The following VPS13A variants were observed in gnomAD, a reference collection of about 807,000 sequenced individuals.
VPS13A encodes intermembrane lipid transfer protein VPS13A.
A neutral mutation model predicts 390.9 loss-of-function variants in VPS13A; 264 were observed. That is an observed-to-expected ratio of 0.68 (90% confidence interval 0.61 to 0.75). VPS13A has a LOEUF of 0.75. VPS13A is among the 30% of genes least tolerant of loss of function. The pLI is 0.00. For missense variants in VPS13A, 3,409 were observed against 3,733.9 expected, an observed-to-expected ratio of 0.91 and a Z score of 2.27; for synonymous variants, 1,231 against 1,227.1, an observed-to-expected ratio of 1.00 and a Z score of -0.07.
At chr9:77,403,977 G>C (rs576085826) in intron 69 of VPS13A, among the ~76,000 whole-genome samples, 25 of 152,232 alleles carry the variant, frequency 1.6e-4, no homozygotes, top group African/African-American at 6.0e-4. Flanking sequence ...ACTTATGAAA[G>C]GTAAAGTTAT....
intron 7 of VPS13A, among the ~76,000 whole-genome samples, chr9:77,212,357 C>T (rs561732659): frequency 3.9e-5 from 6 of 152,214 alleles, no homozygotes; most frequent in Admixed American, 6.5e-5. Flanking sequence ...CTTTTGGGCT[C>T]TGCCTGTTGT....
chr9:77,250,349 T>G, intron 21 of VPS13A, 120 bp downstream of exon 21: 1 of 1,235,072 alleles, frequency 8.1e-7, no homozygotes, highest in Non-Finnish European at 1.2e-6. Flanking sequence ...GAATTAGAAA[T>G]GATAGTAAAT....
chr9:77,370,385 A>AT, intron 64 of VPS13A, 30 bp from the exon 65 acceptor site: 1 of 1,614,140 alleles, frequency 6.2e-7, no homozygotes. Flanking sequence ...TAATGGCATC[A>AT]TTACTTTTAC....
chr9:77,275,811 C>CT lies in VPS13A; in HGVS notation c.2667+169dup, dbSNP rs368058162. Among the ~76,000 whole-genome samples, 3,643 of 146,916 alleles carry CT rather than the reference C, an allele frequency of 0.025. 100 individuals carry two copies. The highest frequency in any genetic ancestry group is 0.072 in the African/African-American group (2,893 of 40,008). On this transcript the variant is annotated intron_variant, in intron 25 of 71. Transcript: ENST00000360280. The stretch of plus-strand genomic sequence containing the variant: ...ATTCTTGGTCACTCCCCGCCCCCCC[C>CT]TTTTTTTTTTAAATAAGATTAACTT...
rs189138644 is a variant in VPS13A at position 77,295,740 on chromosome 9, C to T, written c.3706C>T (p.Leu1236=). The part of the protein sequence containing the change: ...SENVFVADFG[L]ITMTNTFHMI... The stretch of plus-strand genomic sequence containing the variant: ...AAATGTTTTTGTTGCTGATTTTGGA[C>T]TAATTACAATGACAAATACCTTTCA... The change falls in exon 33 of 72, where the codon CTA becomes TTA. Residue 1236 remains leucine (L), a synonymous_variant. Transcript: ENST00000360280. 6.7e-5 allele frequency: 108 copies of T among 1,613,992 alleles called. 3 individuals carry two copies. Among genetic ancestry groups the T allele is most frequent in the East Asian group, 4.5e-4 (20 of 44,856 alleles).
rs1471850455 is a variant in VPS13A at position 77,360,532 on chromosome 9, A to G, written c.8106-4A>G. On this transcript the variant is annotated splice_polypyrimidine_tract_variant and splice_region_variant and intron_variant, in intron 58 of 71. Transcript: ENST00000360280. The stretch of plus-strand genomic sequence containing the variant: ...TAAAAAATGTTTTCTACTTTGTAAT[A>G]CAGGTATTTCAAAGTATTGATTCAA... 3.1e-6 allele frequency: 5 copies of G among 1,598,710 alleles called. No homozygotes were observed. In the African/African-American group the frequency reaches 5.4e-5, roughly 17 times the overall value.
intron 57 of VPS13A, among the ~76,000 whole-genome samples, chr9:77,358,802 G>A (rs1024246746): frequency 6.6e-6 from 1 of 152,118 alleles, no homozygotes; most frequent in African/African-American, 2.4e-5. Flanking sequence ...CTCCAAATAA[G>A]AATAACGGAC....
chr9:77,289,722 G>A (rs1297288238), intron 31 of VPS13A, among the ~76,000 whole-genome samples: 2 of 150,792 alleles, frequency 1.3e-5, no homozygotes, highest in East Asian at 3.9e-4. Flanking sequence ...AACTCTTTCT[G>A]TAACTACTTC....
At chr9:77,411,491 G>A (rs529965506) in intron 71 of VPS13A, among the ~76,000 whole-genome samples, 9 of 151,670 alleles carry the variant, frequency 5.9e-5, no homozygotes, top group Admixed American at 1.3e-4. Context: ...GTGAAACCCC[G>A]TCTCTACTAA....
At chr9:77,202,140 C>T (rs1265756935) in intron 3 of VPS13A, among the ~76,000 whole-genome samples, 5 of 152,028 alleles carry the variant, frequency 3.3e-5, no homozygotes, top group Admixed American at 6.6e-5. Flanking sequence ...TGAAAGGTTA[C>T]CTAGATTACA....
chr9:77,348,729 C>T (rs1032615354), intron 52 of VPS13A, among the ~76,000 whole-genome samples: 7 of 152,066 alleles, frequency 4.6e-5, no homozygotes, highest in African/African-American at 1.2e-4. Flanking sequence ...TTGCAGCATT[C>T]GTCACATTGT....
Position 77,341,091 on chromosome 9 carries a change from T to G in VPS13A, c.7026+541T>G, listed in dbSNP as rs572645756. On this transcript the variant is annotated intron_variant, in intron 50 of 71. Coordinates refer to ENST00000360280, the MANE Select transcript of VPS13A (RefSeq NM_033305.3). ...TTAGAGAAGTTTTTGCTGTTTCTAT[T>G]CATTATTCCTTTTTGCATACAAAAC... is the stretch of plus-strand genomic sequence containing the variant. Among the ~76,000 whole-genome samples the G allele has an allele frequency of 1.3e-3, 204 of 152,330 alleles. 3 individuals are homozygous for G. The highest frequency in any genetic ancestry group is 2.1e-3 in the South Asian group (10 of 4,826).
chr9:77,326,234 G>A lies in VPS13A; in HGVS notation c.5991+3007G>A, dbSNP rs149970217. Among the ~76,000 whole-genome samples, 10 of 151,996 alleles carry A rather than the reference G, an allele frequency of 6.6e-5. No homozygotes were observed. The East Asian group carries it at 1.9e-3, about 29-fold the overall frequency. ...CAATTTGGTTATGATGAATCTTACT[G>A]TAGTTTTTTTTATGTTCCTTGTATT... On this transcript the variant is annotated intron_variant, in intron 45 of 71. Transcript: ENST00000360280.
At chr9:77,355,325 TC>T (rs1230079291) in intron 54 of VPS13A, among the ~76,000 whole-genome samples, 1 of 152,172 alleles carries the variant, frequency 6.6e-6, no homozygotes, top group Non-Finnish European at 1.5e-5. Context: ...TTAACACAGA[TC>T]CCTCCTTGAT....
At chr9:77,345,946 C>T (rs1034992084) in intron 52 of VPS13A, among the ~76,000 whole-genome samples, 2 of 151,904 alleles carry the variant, frequency 1.3e-5, no homozygotes, top group African/African-American at 4.8e-5. Flanking sequence ...TTTTAATTAT[C>T]CATATTATAA....
At position 77,305,606 on chromosome 9, in the gene VPS13A, G is replaced by A. The variant is rs578097026; in HGVS notation, c.3961-2339G>A. 263 of 202,162 alleles carry A rather than the reference G, an allele frequency of 1.3e-3. 2 individuals carry two copies. The highest frequency in any genetic ancestry group is 8.5e-4 in the Non-Finnish European group (83 of 97,736). The allele number at this position is 202,162 out of a possible 1,614,324, so 12.5% of individuals were successfully genotyped here. A position where few individuals can be genotyped will look rare whatever the true frequency, so the allele number is the denominator to read the frequency against. ...GTGATGCTGCCAACAATCTGCAAGT[G>A]CCCAGCTGCCTTTTGAGGCCAACCC... On this transcript the variant is annotated intron_variant, in intron 34 of 71. Coordinates refer to ENST00000360280, the MANE Select transcript of VPS13A (RefSeq NM_033305.3).
chr9:77,360,936 T>C (rs2131564542), intron 59 of VPS13A, among the ~76,000 whole-genome samples: 1 of 152,226 alleles, frequency 6.6e-6, no homozygotes, highest in East Asian at 1.9e-4. Flanking sequence ...TTCACTTTAA[T>C]AATTTAGAAA....
intron 5 of VPS13A, among the ~76,000 whole-genome samples, chr9:77,207,252 T>TATATATATATATACATAA: frequency 3.4e-5 from 3 of 87,248 alleles, no homozygotes; most frequent in African/African-American, 1.2e-4. Context: ...TATATATATA[T>TATATATATATATACATAA]AAAACGTGTT....
chr9:77,205,248 A>G (rs1589993736), intron 3 of VPS13A, 65 bp from the exon 4 acceptor site: 1 of 866,990 alleles, frequency 1.2e-6, no homozygotes, highest in East Asian at 2.7e-5. Context: ...AAAATAGACT[A>G]ACCATAAATG....
Sources: gnomAD v4.1 joint callset for allele counts (sites outside exome capture counted in the v4.1 genomes callset) on GRCh38, gnomAD v4.1.1 for gene constraint, MANE v1.5 for transcripts, NCBI Gene and HGNC (gene_info 2026-07-23, HGNC 2026-07-21) for gene names.